Variants in LRRTM4 observed in about 807,000 individuals in gnomAD.
LRRTM4 encodes the protein leucine-rich repeat transmembrane neuronal protein 4.
In LRRTM4, 25 loss-of-function variants were observed where a neutral mutation model predicts 47.6. The observed-to-expected ratio is 0.53, with a 90% CI of 0.38 to 0.73. The LOEUF is 0.73. LRRTM4 is among the 30% of genes least tolerant of loss of function. The pLI, the probability that LRRTM4 is intolerant of heterozygous loss-of-function variation, is 0.00. For missense variants in LRRTM4, 638 were observed against 713.4 expected, an observed-to-expected ratio of 0.89 and a Z score of 1.20; for synonymous variants, 311 against 269.5, an observed-to-expected ratio of 1.15 and a Z score of -1.51.
At chr2:76,779,182 T>C (rs1306998350) in intron 3 of LRRTM4, among the ~76,000 whole-genome samples, 1 of 152,226 alleles carries the variant, frequency 6.6e-6, no homozygotes, top group South Asian at 2.1e-4. Context: ...TACTTCCAAG[T>C]ATGTGGTCAT....
chr2:77,433,238 T>C (rs1315387610), intron 3 of LRRTM4, among the ~76,000 whole-genome samples: 1 of 152,120 alleles, frequency 6.6e-6, no homozygotes, highest in Non-Finnish European at 1.5e-5. Flanking sequence ...GCTGCTGCCC[T>C]GAAGAAGAAC....
At chr2:77,067,686 T>TATACACACACACACAC (rs1680002416) in intron 3 of LRRTM4, among the ~76,000 whole-genome samples, 1 of 140,726 alleles carries the variant, frequency 7.1e-6, no homozygotes, top group African/African-American at 2.8e-5. Context: ...CAAAGATACG[T>TATACACACACACACAC]ACACACACAC....
intron 3 of LRRTM4, among the ~76,000 whole-genome samples, chr2:76,777,211 CT>C (rs960852970): frequency 1.3e-5 from 2 of 150,646 alleles, no homozygotes; most frequent in African/African-American, 4.9e-5. Flanking sequence ...CAGCTTTGTT[CT>C]TTTGGCTTAG....
At chr2:76,871,123 G>T (rs1672611136) in intron 3 of LRRTM4, among the ~76,000 whole-genome samples, 1 of 152,034 alleles carries the variant, frequency 6.6e-6, no homozygotes, top group South Asian at 2.1e-4. Flanking sequence ...TTTTAATATG[G>T]CATATTCTTT....
chr2:76,880,374 T>G (rs1672895744), intron 3 of LRRTM4, among the ~76,000 whole-genome samples: 1 of 152,202 alleles, frequency 6.6e-6, no homozygotes, highest in Non-Finnish European at 1.5e-5. Context: ...GCTAAAAGAT[T>G]ATGAATCACT....
At chr2:76,899,069 G>T (rs1573278227) in intron 3 of LRRTM4, among the ~76,000 whole-genome samples, 1 of 151,872 alleles carries the variant, frequency 6.6e-6, no homozygotes. Flanking sequence ...CACAGTTGAA[G>T]AAATATGAGA....
chr2:77,237,252 T>C (rs1249271730), intron 3 of LRRTM4, among the ~76,000 whole-genome samples: 1 of 151,998 alleles, frequency 6.6e-6, no homozygotes, highest in Non-Finnish European at 1.5e-5. Flanking sequence ...TTTTGATTTC[T>C]TCCAGATTCA....
chr2:77,003,169 GTTC>G (rs146412765), intron 3 of LRRTM4, among the ~76,000 whole-genome samples: 18,234 of 143,756 alleles, frequency 0.13, 1,355 homozygotes, highest in Admixed American at 0.2. Flanking sequence ...AGCTTTTTAT[GTTC>G]TTATTTGTTA....
chr2:76,909,868 A>G (rs1168120283), intron 3 of LRRTM4, among the ~76,000 whole-genome samples: 2 of 152,218 alleles, frequency 1.3e-5, no homozygotes, highest in East Asian at 3.8e-4. Flanking sequence ...GAGGATGTGA[A>G]GAAATAGGAA....
chr2:76,884,990 A>G (rs1054393001), intron 3 of LRRTM4, among the ~76,000 whole-genome samples: 22 of 152,232 alleles, frequency 1.4e-4, no homozygotes, highest in African/African-American at 5.1e-4. Flanking sequence ...GCAGAATTGC[A>G]TTATATAAAG....
At chr2:77,181,642 C>A (rs894695643) in intron 3 of LRRTM4, among the ~76,000 whole-genome samples, 8 of 151,800 alleles carry the variant, frequency 5.3e-5, no homozygotes, top group African/African-American at 1.9e-4. Context: ...TAAACACAAG[C>A]AAATAAAATT....
chr2:77,128,191 TA>T (rs1558593857), intron 3 of LRRTM4, among the ~76,000 whole-genome samples: 1 of 150,442 alleles, frequency 6.6e-6, no homozygotes, highest in Admixed American at 6.6e-5. Flanking sequence ...CAGAAACAAA[TA>T]AAATAAGTGT....
intron 3 of LRRTM4, among the ~76,000 whole-genome samples, chr2:76,794,159 C>A (rs1189161468): frequency 2.0e-5 from 3 of 152,084 alleles, no homozygotes; most frequent in Admixed American, 6.6e-5. Context: ...ATATGTAGGC[C>A]AGAGGTGAGT....
chr2:77,289,557 C>T (rs533093483), intron 3 of LRRTM4, among the ~76,000 whole-genome samples: 1 of 151,990 alleles, frequency 6.6e-6, no homozygotes, highest in South Asian at 2.1e-4. Flanking sequence ...CCAATAATAA[C>T]ACAGGCAGGA....
At chr2:76,964,300 A>G (rs1675953417) in intron 3 of LRRTM4, among the ~76,000 whole-genome samples, 1 of 151,096 alleles carries the variant, frequency 6.6e-6, no homozygotes, top group Non-Finnish European at 1.5e-5. Flanking sequence ...AGTTGTCTAT[A>G]GTGTCTGCTT....
intron 3 of LRRTM4, among the ~76,000 whole-genome samples, chr2:77,169,556 ATG>A (rs1359654644): frequency 0.028 from 4,278 of 152,226 alleles, 214 homozygotes; most frequent in African/African-American, 0.096. Flanking sequence ...GGATGGGTTA[ATG>A]CTCCTCTCCT....
chr2:77,152,899 A>G (rs1234188607), intron 3 of LRRTM4, among the ~76,000 whole-genome samples: 1 of 152,212 alleles, frequency 6.6e-6, no homozygotes, highest in Non-Finnish European at 1.5e-5. Flanking sequence ...CAAGCTAGTT[A>G]ACATATCCAT....
At chr2:76,842,643 A>C (rs761505265) in intron 3 of LRRTM4, among the ~76,000 whole-genome samples, 1 of 152,220 alleles carries the variant, frequency 6.6e-6, no homozygotes, top group Non-Finnish European at 1.5e-5. Flanking sequence ...ACTGCACTGA[A>C]AGTGAAAAAC....
chr2:76,807,515 C>T (rs1297219069), intron 3 of LRRTM4, among the ~76,000 whole-genome samples: 1 of 138,672 alleles, frequency 7.2e-6, no homozygotes, highest in East Asian at 2.1e-4. Context: ...CAAAGTTATA[C>T]AATTAAATCA....
Sources: gnomAD v4.1 joint callset for allele counts (sites outside exome capture counted in the v4.1 genomes callset) on GRCh38, gnomAD v4.1.1 for gene constraint, MANE v1.5 for transcripts, NCBI Gene and HGNC (gene_info 2026-07-23, HGNC 2026-07-21) for gene names.